Variants in ZNF804A observed in about 807,000 individuals in gnomAD.
The protein encoded by ZNF804A is zinc finger protein 804A.
Under a neutral mutation model 16.5 loss-of-function variants are expected in ZNF804A, and 2 were observed. The ratio of observed to expected loss-of-function variants is 0.12; its 90% CI spans 0.05 to 0.38. ZNF804A has a LOEUF of 0.38. Among genes scored for constraint, ZNF804A ranks in the 10% least tolerant of loss-of-function variants. ZNF804A has a pLI of 0.99. For missense variants in ZNF804A, 1,473 were observed against 1,390.7 expected, an observed-to-expected ratio of 1.06 and a Z score of -0.94; for synonymous variants, 534 against 489.6, an observed-to-expected ratio of 1.09 and a Z score of -1.20.
chr2:184,931,567 A>C (rs1685702725), intron 2 of ZNF804A, among the ~76,000 whole-genome samples: 1 of 152,170 alleles, frequency 6.6e-6, no homozygotes. Context: ...ACAAAGTGGC[A>C]AGGCTCTGGG....
At chr2:184,628,950 A>T (rs1469040096) in intron 1 of ZNF804A, among the ~76,000 whole-genome samples, 1 of 152,156 alleles carries the variant, frequency 6.6e-6, no homozygotes, top group Non-Finnish European at 1.5e-5. Flanking sequence ...TAGTGCATGA[A>T]AATTGGAGTC....
intron 1 of ZNF804A, among the ~76,000 whole-genome samples, chr2:184,694,873 C>T (rs546648819): frequency 3.1e-4 from 47 of 152,150 alleles, no homozygotes; most frequent in African/African-American, 1.1e-3. Context: ...TCTTGTCAGT[C>T]GGAATCTGAC....
chr2:184,727,620 T>A (rs957644177), intron 1 of ZNF804A, among the ~76,000 whole-genome samples: 6 of 151,686 alleles, frequency 4.0e-5, no homozygotes, highest in African/African-American at 1.4e-4. Flanking sequence ...AAGATGATAA[T>A]ATCCCAGAGA....
At chr2:184,866,009 A>G (rs534683629) in intron 1 of ZNF804A, among the ~76,000 whole-genome samples, 15 of 152,266 alleles carry the variant, frequency 9.9e-5, no homozygotes, top group Non-Finnish European at 2.1e-4. Context: ...GAAAAATTTT[A>G]TGTTAGCTGA....
chr2:184,710,846 G>T (rs1693114254), intron 1 of ZNF804A, among the ~76,000 whole-genome samples: 1 of 151,666 alleles, frequency 6.6e-6, no homozygotes, highest in Admixed American at 6.6e-5. Flanking sequence ...TTCCTTCTTT[G>T]TTAAGGCTGA....
At chr2:184,875,766 TAA>T (rs562501754) in intron 2 of ZNF804A, among the ~76,000 whole-genome samples, 143 of 120,222 alleles carry the variant, frequency 1.2e-3, no homozygotes, top group South Asian at 6.7e-3. Flanking sequence ...TCATTGACAT[TAA>T]AAAAAAAAAA....
At chr2:184,825,370 T>C (rs923791354) in intron 1 of ZNF804A, among the ~76,000 whole-genome samples, 1 of 152,196 alleles carries the variant, frequency 6.6e-6, no homozygotes, top group African/African-American at 2.4e-5. Context: ...TGCCCTTTTT[T>C]TGCAGGGCAC....
chr2:184,858,274 C>T (rs561156791), intron 1 of ZNF804A, among the ~76,000 whole-genome samples: 10 of 151,786 alleles, frequency 6.6e-5, no homozygotes, highest in East Asian at 1.9e-4. Flanking sequence ...GAGGCCGAGG[C>T]AGGTGGATCA....
chr2:184,704,624 G>T (rs546059335), intron 1 of ZNF804A, among the ~76,000 whole-genome samples: 2 of 152,316 alleles, frequency 1.3e-5, no homozygotes, highest in East Asian at 3.9e-4. Flanking sequence ...ATTAAAAAGA[G>T]TTAAGAGGTT....
chr2:184,669,541 T>C lies in ZNF804A; in HGVS notation c.111+70471T>C, dbSNP rs1366364795. On this transcript the variant is annotated intron_variant, in intron 1 of 3. Transcript: ENST00000302277. Reference sequence around the variant, plus strand: ...TCTAAAAATTATTGATCTCCTTCTTTGCCACCCTGGTTCTTTATACATCCA... The same window carrying C: ...TCTAAAAATTATTGATCTCCTTCTTCGCCACCCTGGTTCTTTATACATCCA... Among the ~76,000 whole-genome samples the C allele has an allele frequency of 2.0e-5, 3 of 152,242 alleles. No homozygotes were observed. The South Asian group carries it at 6.2e-4, about 32-fold the overall frequency.
At chr2:184,714,567 T>C (rs1006266395) in intron 1 of ZNF804A, among the ~76,000 whole-genome samples, 4 of 152,134 alleles carry the variant, frequency 2.6e-5, no homozygotes, top group African/African-American at 4.8e-5. Context: ...TGAAATTATC[T>C]AAAAAGTGCT....
chr2:184,860,132 C>T (rs962621704), intron 1 of ZNF804A, among the ~76,000 whole-genome samples: 23 of 152,152 alleles, frequency 1.5e-4, no homozygotes, highest in African/African-American at 5.3e-4. Flanking sequence ...CTGGAGTATA[C>T]TATGGTGGGC....
At chr2:184,660,446 C>A (rs1439616917) in intron 1 of ZNF804A, among the ~76,000 whole-genome samples, 2 of 152,154 alleles carry the variant, frequency 1.3e-5, no homozygotes, top group African/African-American at 4.8e-5. Flanking sequence ...TAAATTATTT[C>A]AGAAACAGAT....
intron 1 of ZNF804A, among the ~76,000 whole-genome samples, chr2:184,816,706 C>A (rs1483422737): frequency 1.3e-5 from 2 of 151,922 alleles, no homozygotes; most frequent in Admixed American, 1.3e-4. Flanking sequence ...ACTTGCTAAA[C>A]CTTTGAAAGT....
intron 1 of ZNF804A, among the ~76,000 whole-genome samples, chr2:184,748,719 G>A (rs565217805): frequency 4.8e-4 from 73 of 151,480 alleles, no homozygotes; most frequent in African/African-American, 1.7e-3. Context: ...TATTGTTTGA[G>A]GTCTTAAATT....
chr2:184,759,721 G>A (rs1694013699), intron 1 of ZNF804A, among the ~76,000 whole-genome samples: 1 of 151,936 alleles, frequency 6.6e-6, no homozygotes, highest in Middle Eastern at 3.2e-3. Context: ...CACAAAAGAA[G>A]TGAAAATGGC....
intron 2 of ZNF804A, among the ~76,000 whole-genome samples, chr2:184,917,794 TACACAC>T (rs148689593): frequency 1.0e-4 from 15 of 143,010 alleles, no homozygotes; most frequent in African/African-American, 1.5e-4. Flanking sequence ...AACTAGCACA[TACACAC>T]ACACACACAC....
chr2:184,744,863 C>A (rs1290404927), intron 1 of ZNF804A, among the ~76,000 whole-genome samples: 1 of 151,692 alleles, frequency 6.6e-6, no homozygotes. Context: ...AATTAACTCC[C>A]AATTATTATT....
intron 1 of ZNF804A, among the ~76,000 whole-genome samples, chr2:184,631,437 T>C (rs2105686872): frequency 6.6e-6 from 1 of 152,280 alleles, no homozygotes; most frequent in Middle Eastern, 3.4e-3. Flanking sequence ...TAATATATTA[T>C]TCTAGGTGAT....
Sources: gnomAD v4.1 joint callset for allele counts (sites outside exome capture counted in the v4.1 genomes callset) on GRCh38, gnomAD v4.1.1 for gene constraint, MANE v1.5 for transcripts, NCBI Gene and HGNC (gene_info 2026-07-23, HGNC 2026-07-21) for gene names.